Variants in HABP4 observed in about 807,000 individuals in gnomAD.
HABP4 encodes hyaluronan binding protein 4.
In HABP4, 32 loss-of-function variants were observed where a neutral mutation model predicts 44.1. The observed-to-expected ratio is 0.73, with a 90% CI of 0.55 to 0.97. The LOEUF is 0.97. HABP4 is among the 50% of genes least tolerant of loss of function. The pLI, the probability that HABP4 is intolerant of heterozygous loss-of-function variation, is 0.00. For synonymous variants in HABP4, 216 were observed against 218.0 expected (o/e 0.99, Z 0.08); for missense variants, 503 against 561.9 (o/e 0.90, Z 1.06).
At position 96,450,736 on chromosome 9, in the gene HABP4, A is replaced by G; in HGVS notation, c.349+108A>G. 1.1e-6 allele frequency: 1 copy of G among 945,164 alleles called. No homozygotes were observed. Among genetic ancestry groups the G allele is most frequent in the Non-Finnish European group, 1.4e-6 (1 of 735,720 alleles). 58.5% of individuals were successfully genotyped at this position (945,164 alleles called of 1,614,324 possible). On this transcript the variant is annotated intron_variant, in intron 1 of 7. Coordinates refer to ENST00000375249, the MANE Select transcript of HABP4 (RefSeq NM_014282.4). This position sits in a 1 kb window ranked among gnomAD's most constrained non-coding sequence, Gnocchi z 4.8. Reference sequence around the variant, plus strand: ...GGCCCGGGAACAGTAGGGAGAGTTGAGGGTCCTGGTGGCCGCCGAAGGTAG... The same window carrying G: ...GGCCCGGGAACAGTAGGGAGAGTTGGGGGTCCTGGTGGCCGCCGAAGGTAG...
At chr9:96,461,616 T>A (rs1044468674) in intron 2 of HABP4, among the ~76,000 whole-genome samples, 3 of 152,092 alleles carry the variant, frequency 2.0e-5, no homozygotes, top group African/African-American at 7.2e-5. Context: ...TCTGCCTGGG[T>A]AGAATAGAAA....
Position 96,457,909 on chromosome 9 carries a change from A to G in HABP4, c.350-470A>G, listed in dbSNP as rs1049165420. Among the ~76,000 whole-genome samples, 18 of 152,298 alleles carry G rather than the reference A, an allele frequency of 1.2e-4. No individual in the cohort carries two copies. The East Asian group carries it at 2.9e-3, about 24-fold the overall frequency. ...TAAGTAAATAAATTAAAAAAATACA[A>G]AATAAAAACAAAAACCTTAGTAGCC... On this transcript the variant is annotated intron_variant, in intron 1 of 7. Transcript: ENST00000375249.
At chr9:96,456,791 A>G (rs1832399006) in intron 1 of HABP4, among the ~76,000 whole-genome samples, 1 of 69,718 alleles carries the variant, frequency 1.4e-5, no homozygotes, top group South Asian at 5.8e-4. Flanking sequence ...ATATATATAT[A>G]TATATATATA....
chr9:96,473,133 G>A (rs139563399), intron 5 of HABP4, among the ~76,000 whole-genome samples: 5 of 152,144 alleles, frequency 3.3e-5, no homozygotes, highest in Non-Finnish European at 4.4e-5. Context: ...TTAAATTGTC[G>A]TTTACACACT....
intron 4 of HABP4, among the ~76,000 whole-genome samples, chr9:96,466,480 C>T (rs1832603314): frequency 6.6e-6 from 1 of 152,218 alleles, no homozygotes; most frequent in Non-Finnish European, 1.5e-5. Context: ...AGGCAGTCCT[C>T]TTGCCTCAGC....
At chr9:96,489,711 A>G (rs1382756841) in intron 7 of HABP4, among the ~76,000 whole-genome samples, 3 of 152,212 alleles carry the variant, frequency 2.0e-5, no homozygotes, top group African/African-American at 7.2e-5. Flanking sequence ...TATTTACTCG[A>G]TGAAGGACGT....
intron 5 of HABP4, among the ~76,000 whole-genome samples, chr9:96,477,400 C>A (rs971723747): frequency 6.6e-6 from 1 of 152,142 alleles, no homozygotes; most frequent in Non-Finnish European, 1.5e-5. Context: ...AAAGCTGTTA[C>A]CAAATCACGG....
intron 1 of HABP4, among the ~76,000 whole-genome samples, chr9:96,457,001 A>T (rs1369956363): frequency 6.6e-6 from 1 of 151,744 alleles, no homozygotes; most frequent in African/African-American, 2.4e-5. Flanking sequence ...TCCACAATGT[A>T]TTTACCAAGT....
chr9:96,481,939 T>C (rs1169088073), intron 5 of HABP4, among the ~76,000 whole-genome samples: 6 of 80,596 alleles, frequency 7.4e-5, no homozygotes, highest in African/African-American at 6.7e-4. Context: ...TCTCTAGAAC[T>C]TTTTTTTTTT....
intron 5 of HABP4, among the ~76,000 whole-genome samples, chr9:96,474,092 G>A (rs1278924516): frequency 6.6e-6 from 1 of 152,174 alleles, no homozygotes; most frequent in Admixed American, 6.5e-5. Context: ...TGCTTTATCA[G>A]TATCTGCTCT....
At chr9:96,464,882 C>T (rs192103495) in intron 2 of HABP4, among the ~76,000 whole-genome samples, 14 of 152,220 alleles carry the variant, frequency 9.2e-5, no homozygotes. Context: ...TTTTCTTACA[C>T]AAAACATTCC....
At chr9:96,471,768 C>T (rs1474575641) in intron 5 of HABP4, among the ~76,000 whole-genome samples, 2 of 151,972 alleles carry the variant, frequency 1.3e-5, no homozygotes, top group Non-Finnish European at 2.9e-5. Flanking sequence ...GGCTCCGTCT[C>T]CAGCACCCTT....
intron 5 of HABP4, chr9:96,483,633 G>A (rs919136613): frequency 2.6e-5 from 4 of 152,074 alleles, no homozygotes; most frequent in African/African-American, 9.7e-5. Context: ...CCCATTTTGT[G>A]GACTGTCTTT....
At position 96,471,087 on chromosome 9, in the gene HABP4, C is replaced by T; in HGVS notation, c.820C>T (p.Pro274Ser). The part of the protein sequence containing the change: ...ESQGTPEEES[P>S]AKVPELEVEE... The stretch of plus-strand genomic sequence containing the variant: ...CCAGGGCACCCCGGAAGAGGAGTCT[C>T]CAGCCAAGTAGGGCATTTTGTTCAT... Residue 274 changes from proline (P) to serine (S), a missense_variant, in exon 5 of 8, where the codon CCA (proline) becomes TCA (serine). Physicochemically the swap from Pro to Ser is moderately conservative, Grantham distance 74. Coordinates refer to ENST00000375249, the MANE Select transcript of HABP4 (RefSeq NM_014282.4). The T allele has an allele frequency of 6.5e-7, 1 of 1,545,064 alleles. No individual in the cohort carries two copies. The highest frequency in any genetic ancestry group is 9.0e-7 in the Non-Finnish European group (1 of 1,117,088).
At chr9:96,458,726 A>G (rs1354303641) in intron 2 of HABP4, among the ~76,000 whole-genome samples, 185 bp downstream of exon 2, 1 of 150,700 alleles carries the variant, frequency 6.6e-6, no homozygotes, top group African/African-American at 2.4e-5. Context: ...GGGTTCAAGC[A>G]ATTCTCCTGC....
intron 5 of HABP4, chr9:96,483,638 G>C (rs1832918877): frequency 6.6e-6 from 1 of 152,192 alleles, no homozygotes; most frequent in Non-Finnish European, 1.5e-5. Context: ...TTTGTGGACT[G>C]TCTTTTTACT....
intron 2 of HABP4, among the ~76,000 whole-genome samples, chr9:96,464,988 G>A (rs1246323723): frequency 6.6e-6 from 1 of 152,136 alleles, no homozygotes; most frequent in Non-Finnish European, 1.5e-5. Context: ...TAGATCCAGA[G>A]AGAGAAAGGA....
At chr9:96,487,459 T>C (rs1213549082) in intron 6 of HABP4, among the ~76,000 whole-genome samples, 1 of 152,216 alleles carries the variant, frequency 6.6e-6, no homozygotes, top group African/African-American at 2.4e-5. Context: ...GCTTGACTTC[T>C]TTGTGCAGTG....
rs753478392 is a variant in HABP4, at chr9:96,484,431, G to T, written c.828-31G>T. On this transcript the variant is annotated intron_variant, in intron 5 of 7. Transcript: ENST00000375249. ...GTAGACATTTTAGTACCATCAAAAA[G>T]TATTCTTTATGATTATATATCTCTT... 4.9e-6 allele frequency: 5 copies of T among 1,024,394 alleles called. No individual in the cohort carries two copies. The South Asian group carries it at 7.4e-5, about 15-fold the overall frequency. 63.5% of individuals were successfully genotyped at this position (1,024,394 alleles called of 1,614,324 possible).
Sources: allele counts gnomAD v4.1 joint callset (sites outside exome capture counted in the v4.1 genomes callset), GRCh38; gene constraint gnomAD v4.1.1; non-coding constraint Gnocchi (gnomAD v3.1); transcripts MANE v1.5; gene names NCBI Gene and HGNC (gene_info 2026-07-23, HGNC 2026-07-21).